The following DACT2 variants were observed in gnomAD, a reference collection of about 807,000 sequenced individuals.
DACT2 encodes the protein dishevelled binding antagonist of beta catenin 2, also known as dapper homolog 2.
Under a neutral mutation model 22.2 loss-of-function variants are expected in DACT2, and 20 were observed. That is an observed-to-expected ratio of 0.90 (90% CI 0.63 to 1.31). The LOEUF (loss-of-function observed/expected upper bound fraction) is 1.31, where lower values mean the gene tolerates loss of function less well. Ranked by LOEUF, DACT2 falls within the 50% of genes most tolerant of loss-of-function variation. DACT2 has a pLI of 0.00. For missense variants in DACT2, 1,048 were observed against 1,061.4 expected (o/e 0.99, Z 0.18); for synonymous variants, 463 against 479.8 (o/e 0.96, Z 0.46).
intron 1 of DACT2, among the ~76,000 whole-genome samples, chr6:168,311,503 CACACATA>C (rs1562498298): frequency 1.3e-5 from 2 of 150,228 alleles, no homozygotes; most frequent in African/African-American, 5.0e-5. Flanking sequence ...TCGCCCCCCA[CACACATA>C]CACACACACA....
chr6:168,315,875 G>A (rs1583303919), intron 1 of DACT2, among the ~76,000 whole-genome samples: 3 of 152,142 alleles, frequency 2.0e-5, no homozygotes, highest in South Asian at 2.1e-4. Flanking sequence ...GTGTGTAACT[G>A]TTCCAGCAAG....
chr6:168,300,130 CAA>C (rs2114895469), intron 3 of DACT2: 1 of 152,468 alleles, frequency 6.6e-6, no homozygotes, highest in Admixed American at 6.5e-5. Flanking sequence ...CGAGGGCGTT[CAA>C]AGACTGCAGA....
At chr6:168,312,873 G>C (rs1385507850) in intron 1 of DACT2, among the ~76,000 whole-genome samples, 1 of 152,130 alleles carries the variant, frequency 6.6e-6, no homozygotes, top group African/African-American at 2.4e-5. Context: ...TCTGATGAGA[G>C]AATGACTTCT....
chr6:168,294,565 G>GTATA (rs1778973220), intron 4 of DACT2: 1 of 336,166 alleles, frequency 3.0e-6, no homozygotes, highest in African/African-American at 9.8e-5. Context: ...GTGTGTATGT[G>GTATA]TGTGTGTGTG....
chr6:168,298,002 A>C (rs2114893711), intron 3 of DACT2: 1 of 152,386 alleles, frequency 6.6e-6, no homozygotes, highest in East Asian at 1.9e-4. Flanking sequence ...GGCTTATCAA[A>C]GAGCTCAGTA....
intron 3 of DACT2, among the ~76,000 whole-genome samples, chr6:168,301,502 C>A (rs538083843): frequency 7.9e-4 from 120 of 152,324 alleles, no homozygotes; most frequent in Non-Finnish European, 1.4e-3. Flanking sequence ...TAGTGAGAGC[C>A]CAGGAAGCTC....
In DACT2 at chr6:168,309,079, C is replaced by T. The variant is rs1779320397; in HGVS notation, c.678G>A (p.Leu226=). The part of the protein sequence containing the change: ...PVSTGDLDRA[L]PADTGLQKAS... ...CTTTCTGGAGCCCCGTGTCCGCCGG[C>T]AGGGCTCTGTCAAGATCACCTGGGA... The change falls in exon 4 of 4, where the codon CTG becomes CTA. Residue 226 remains leucine, a synonymous_variant. Transcript: ENST00000366795. 1 of 1,532,740 alleles carries T rather than the reference C, an allele frequency of 6.5e-7. No individual in the cohort carries two copies. 94.9% of individuals were successfully genotyped at this position (1,532,740 alleles called of 1,614,324 possible).
intron 3 of DACT2, chr6:168,294,720 T>C (rs949019662): frequency 6.4e-6 from 9 of 1,415,112 alleles, no homozygotes; most frequent in East Asian, 2.7e-5. Context: ...AAGAACAAAA[T>C]GCAAATGTGC....
chr6:168,306,442 C>T (rs551432761), downstream of DACT2, among the ~76,000 whole-genome samples: 78 of 151,302 alleles, frequency 5.2e-4, no homozygotes, highest in African/African-American at 1.8e-3. Context: ...ACTTTTATGC[C>T]CCCTCTTTTT....
At chr6:168,319,138 C>T (rs1435902794) in intron 1 of DACT2, among the ~76,000 whole-genome samples, 1 of 152,192 alleles carries the variant, frequency 6.6e-6, no homozygotes, top group Non-Finnish European at 1.5e-5. Context: ...CATCCACGCA[C>T]GGCGGAGCGC....
chr6:168,313,016 C>A (rs1779458535), intron 1 of DACT2, among the ~76,000 whole-genome samples: 2 of 152,208 alleles, frequency 1.3e-5, no homozygotes, highest in African/African-American at 4.8e-5. Context: ...CTCCCAACAA[C>A]CTCCAAAGTT....
At chr6:168,312,566 C>G (rs541728064) in intron 1 of DACT2, among the ~76,000 whole-genome samples, 36 of 152,308 alleles carry the variant, frequency 2.4e-4, no homozygotes, top group African/African-American at 5.3e-4. Flanking sequence ...CAGCTTCCCC[C>G]ACTCTAAAGG....
At position 168,308,082 on chromosome 6, in the gene DACT2, G is replaced by T. The variant is rs112297618; in HGVS notation, c.1675C>A (p.Arg559Ser). 1 of 1,544,498 alleles carries T rather than the reference G, an allele frequency of 6.5e-7. No individual in the cohort carries two copies. The highest frequency in any genetic ancestry group is 8.7e-7 in the Non-Finnish European group (1 of 1,143,042). The change falls in exon 4 of 4, where the codon CGC becomes AGC. Residue 559 changes from arginine to serine, a missense_variant. Coordinates refer to ENST00000366795, the MANE Select transcript of DACT2 (RefSeq NM_214462.5). ...RPALAWEAPGRSCSESTLYPM... is the reference protein window; with the variant it reads ...RPALAWEAPGSSCSESTLYPM... ...TAGAGGGTGGACTCAGAACAGGAGC[G>T]CCCGGGTGCCTCCCAGGCCAGGGCT...
chr6:168,315,449 A>G (rs900759129), intron 1 of DACT2, among the ~76,000 whole-genome samples: 84 of 152,216 alleles, frequency 5.5e-4, no homozygotes, highest in African/African-American at 2.0e-3. Context: ...GACTGGCCAC[A>G]CAGCAGCAAA....
intron 3 of DACT2, among the ~76,000 whole-genome samples, chr6:168,309,834 G>T (rs1043497216): frequency 1.3e-5 from 2 of 152,168 alleles, no homozygotes; most frequent in African/African-American, 4.8e-5. Flanking sequence ...TGTGAGCCCG[G>T]TTCTCTCCCC....
In DACT2 at chr6:168,308,586, C is replaced by T. The variant is rs780439375; in HGVS notation, c.1171G>A (p.Gly391Arg). 3.2e-6 allele frequency: 5 copies of T among 1,538,490 alleles called. No homozygotes were observed. In the South Asian group the frequency reaches 3.6e-5, roughly 11 times the overall value. ...CCGGCACCCCTGCTCTGAGCTGGCC[C>T]TCCCTCGTCCTCCCTCCCTGGGGCG... ...VFAPGREDEG[G>R]PAQSRGAGRG... The change falls in exon 4 of 4, where the codon GGG (glycine) becomes AGG (arginine). Residue 391 changes from glycine (G) to arginine (R), a missense_variant. By Grantham distance (125) the Gly-to-Arg change is moderately radical. Coordinates refer to ENST00000366795, the MANE Select transcript of DACT2 (RefSeq NM_214462.5).
chr6:168,311,671 T>TACACACACACTCAC (rs1562498690), intron 1 of DACT2, among the ~76,000 whole-genome samples: 1 of 137,788 alleles, frequency 7.3e-6, no homozygotes, highest in Non-Finnish European at 1.6e-5. Flanking sequence ...TACACACATA[T>TACACACACACTCAC]ACACACACAC....
At position 168,307,183 on chromosome 6, in the gene DACT2, G is replaced by A. The variant is rs545605394; in HGVS notation, c.*249C>T. The A allele has an allele frequency of 2.9e-4, 392 of 1,358,240 alleles. 2 individuals carry two copies. The African/African-American group carries it at 5.4e-3, about 19-fold the overall frequency. 84.1% of individuals were successfully genotyped at this position (1,358,240 alleles called of 1,614,324 possible). A position where few individuals can be genotyped will look rare whatever the true frequency, so the allele number is the denominator to read the frequency against. On this transcript the variant is annotated 3_prime_UTR_variant, in exon 4 of 4. Coordinates refer to ENST00000366795, the MANE Select transcript of DACT2 (RefSeq NM_214462.5). The surrounding 1 kb of genome is among the most constrained non-coding windows in gnomAD (Gnocchi z 5.3). ...CAGCATCCTGGGCAGACCTTGAAAA[G>A]AGACACTAGGTCGGCCGGGGAGGCT...
chr6:168,310,176 A>G lies in DACT2; in HGVS notation c.650T>C (p.Val217Ala). 1 of 1,549,648 alleles carries G rather than the reference A, an allele frequency of 6.5e-7. No homozygotes were observed. The highest frequency in any genetic ancestry group is 8.7e-7 in the Non-Finnish European group (1 of 1,146,786). ...QPWGTFWPRP[V>A]STGDLDRALP... ...CCCTGGCAGTTTCTTACCTGTAGAC[A>G]CAGGCCTGGGCCAGAATGTGCCCCA... The change falls in exon 3 of 4, where the codon GTG becomes GCG. Residue 217 changes from valine to alanine, a missense_variant. Transcript: ENST00000366795.
Sources: gnomAD v4.1 joint callset for allele counts (sites outside exome capture counted in the v4.1 genomes callset) on GRCh38, gnomAD v4.1.1 for gene constraint, Gnocchi (gnomAD v3.1) non-coding constraint, MANE v1.5 for transcripts, NCBI Gene and HGNC (gene_info 2026-07-23, HGNC 2026-07-21) for gene names.